The following DGLUCY variants were observed in gnomAD, a reference collection of about 807,000 sequenced individuals.
DGLUCY encodes D-glutamate cyclase, mitochondrial.
DGLUCY carries 58 observed loss-of-function variants against 58.5 expected under a neutral mutation model. The observed-to-expected ratio is 0.99, with a 90% CI of 0.80 to 1.23. The LOEUF is 1.23. Ranked by LOEUF, DGLUCY falls within the 50% of genes most tolerant of loss-of-function variation. The pLI is 0.00. For missense variants in DGLUCY, 779 were observed against 784.7 expected (o/e 0.99, Z 0.09); for synonymous variants, 325 against 314.1 (o/e 1.03, Z -0.37).
intron 12 of DGLUCY, among the ~76,000 whole-genome samples, chr14:91,210,097 A>G (rs1885432404): frequency 1.3e-5 from 2 of 151,850 alleles, no homozygotes; most frequent in Non-Finnish European, 2.9e-5. Flanking sequence ...CCTGGACAAC[A>G]TGGTGAAACC....
chr14:91,088,351 C>T (rs984006497), intron 1 of DGLUCY, among the ~76,000 whole-genome samples: 7 of 152,126 alleles, frequency 4.6e-5, no homozygotes, highest in African/African-American at 7.2e-5. Flanking sequence ...GGAGCTTCCA[C>T]CCCACGATTA....
At chr14:91,165,030 T>C (rs2048199556) in intron 3 of DGLUCY, among the ~76,000 whole-genome samples, 1 of 152,210 alleles carries the variant, frequency 6.6e-6, no homozygotes, top group Non-Finnish European at 1.5e-5. Flanking sequence ...TGTTGTATTG[T>C]GGCTGAGCTG....
intron 11 of DGLUCY, among the ~76,000 whole-genome samples, chr14:91,202,689 G>A (rs569629164): frequency 6.6e-6 from 1 of 152,302 alleles, no homozygotes; most frequent in South Asian, 2.1e-4. Flanking sequence ...GGCTACAGGG[G>A]CAAACAGGGT....
chr14:91,081,866 G>A (rs1415358313), intron 1 of DGLUCY, among the ~76,000 whole-genome samples: 1 of 151,862 alleles, frequency 6.6e-6, no homozygotes, highest in Non-Finnish European at 1.5e-5. Flanking sequence ...TTGGCCTCCC[G>A]AGTAGCTGGG....
At chr14:91,222,670 A>G (rs192276082) in intron 13 of DGLUCY, among the ~76,000 whole-genome samples, 1 of 152,314 alleles carries the variant, frequency 6.6e-6, no homozygotes, top group East Asian at 1.9e-4. Context: ...TGCTTTCTCT[A>G]TTACTTAGAA....
chr14:91,081,482 A>G (rs2044126698), intron 1 of DGLUCY, among the ~76,000 whole-genome samples: 1 of 152,226 alleles, frequency 6.6e-6, no homozygotes, highest in Non-Finnish European at 1.5e-5. Flanking sequence ...TTAGTTTCCT[A>G]CTGCTGTTGC....
intron 1 of DGLUCY, among the ~76,000 whole-genome samples, chr14:91,075,737 A>G (rs535626852): frequency 1.4e-5 from 2 of 146,640 alleles, no homozygotes; most frequent in South Asian, 4.5e-4. Context: ...AGCAATCAGC[A>G]CTAGCCCGGG....
chr14:91,096,745 C>A (rs1440944995), intron 1 of DGLUCY, among the ~76,000 whole-genome samples: 1 of 152,148 alleles, frequency 6.6e-6, no homozygotes, highest in Non-Finnish European at 1.5e-5. Flanking sequence ...GTACATTCAG[C>A]CTGAGGCTGA....
chr14:91,181,642 T>C (rs1306630237), intron 8 of DGLUCY, among the ~76,000 whole-genome samples: 1 of 141,300 alleles, frequency 7.1e-6, no homozygotes, highest in African/African-American at 2.5e-5. Flanking sequence ...TTTCTTTCTC[T>C]TTCTTTCTTT....
chr14:91,178,307 G>A (rs1448363808), intron 7 of DGLUCY, among the ~76,000 whole-genome samples: 2 of 152,006 alleles, frequency 1.3e-5, no homozygotes, highest in Admixed American at 1.3e-4. Context: ...CTGGACTACA[G>A]GTATGCACCA....
chr14:91,204,151 G>A (rs1184147334), intron 11 of DGLUCY, among the ~76,000 whole-genome samples: 1 of 152,222 alleles, frequency 6.6e-6, no homozygotes, highest in Admixed American at 6.5e-5. Flanking sequence ...CAGACTATCA[G>A]ATGGGCCTCA....
At chr14:91,106,307 C>T (rs778774720), upstream of DGLUCY, among the ~76,000 whole-genome samples, 40 of 150,274 alleles carry the variant, frequency 2.7e-4, no homozygotes, top group Non-Finnish European at 5.5e-4. Context: ...AACTCCATTC[C>T]CTACCCCCCC....
At position 91,143,984 on chromosome 14, in the gene DGLUCY, C is replaced by T. The variant is rs549700541; in HGVS notation, c.-81-13655C>T. Among the ~76,000 whole-genome samples the T allele has an allele frequency of 6.6e-5, 10 of 152,286 alleles. No individual in the cohort carries two copies. The South Asian group carries it at 1.0e-3, about 16-fold the overall frequency. ...GCTCTGTGCCACCGCGAAGGGCCAC[C>T]GCTCTCTGCATTAGTTCCTCTGTGT... On this transcript the variant is annotated intron_variant, in intron 1 of 13. Transcript: ENST00000256324.
At chr14:91,189,268 A>G (rs2049719828) in intron 9 of DGLUCY, 98 bp downstream of exon 9, 9 of 1,468,500 alleles carry the variant, frequency 6.1e-6, no homozygotes, top group Non-Finnish European at 8.4e-6. Flanking sequence ...TTCTCCTTCC[A>G]GCTCAGAACA....
At chr14:91,145,692 GCT>G (rs1837075368) in intron 1 of DGLUCY, among the ~76,000 whole-genome samples, 1 of 152,104 alleles carries the variant, frequency 6.6e-6, no homozygotes, top group Admixed American at 6.6e-5. Flanking sequence ...CATACCCGGT[GCT>G]CTCTCAGCAC....
intron 8 of DGLUCY, among the ~76,000 whole-genome samples, chr14:91,182,352 G>C (rs1389349586): frequency 6.6e-6 from 1 of 151,856 alleles, no homozygotes; most frequent in East Asian, 1.9e-4. Flanking sequence ...TTATTTGCTG[G>C]GCATGTTGCC....
chr14:91,143,812 C>T (rs964125871), intron 1 of DGLUCY, among the ~76,000 whole-genome samples: 2 of 152,156 alleles, frequency 1.3e-5, no homozygotes, highest in Admixed American at 1.3e-4. Flanking sequence ...ATTTAATCTT[C>T]CAATAACCCA....
At chr14:91,190,491 C>A (rs2049817090) in intron 9 of DGLUCY, among the ~76,000 whole-genome samples, 1 of 152,048 alleles carries the variant, frequency 6.6e-6, no homozygotes, top group Admixed American at 6.6e-5. Flanking sequence ...CAGTGGGGGG[C>A]AGCTGTCACT....
chr14:91,098,831 G>T (rs961420724), intron 1 of DGLUCY, among the ~76,000 whole-genome samples: 1 of 152,242 alleles, frequency 6.6e-6, no homozygotes, highest in Non-Finnish European at 1.5e-5. Context: ...CATATTTATG[G>T]AATGAGAGTA....
Sources: allele counts gnomAD v4.1 joint callset (sites outside exome capture counted in the v4.1 genomes callset), GRCh38; gene constraint gnomAD v4.1.1; transcripts MANE v1.5; gene names NCBI Gene and HGNC (gene_info 2026-07-23, HGNC 2026-07-21).